CNBD1: variants seen among roughly 807,000 people sequenced by gnomAD.
CNBD1 encodes the protein cyclic nucleotide-binding domain-containing protein 1.
In CNBD1, 71 loss-of-function variants were observed where a neutral mutation model predicts 54.4. That is an observed-to-expected ratio of 1.30 (90% CI 1.08 to 1.59). The LOEUF (loss-of-function observed/expected upper bound fraction) is 1.59. CNBD1 is among the 40% of genes most tolerant of loss of function. CNBD1 has a pLI of 0.00. For synonymous variants in CNBD1, 182 were observed against 170.7 expected (o/e 1.07, Z -0.51); for missense variants, 659 against 518.0 (o/e 1.27, Z -2.64).
At position 87,254,862 on chromosome 8, in the gene CNBD1, G is replaced by A. The variant is rs145866516; in HGVS notation, c.771+17750G>A. On this transcript the variant is annotated intron_variant, in intron 6 of 10. Transcript: ENST00000518476. ...TGAGGCTACTGTAATAGAAAATGGG[G>A]CAAGAAGAATGTCATTGAAATATTT... 9.7e-4 allele frequency among the ~76,000 whole-genome samples: 148 copies of A among 152,210 alleles called. 2 individuals carry two copies. The East Asian group carries it at 0.028, about 29-fold the overall frequency.
intron 4 of CNBD1, among the ~76,000 whole-genome samples, chr8:87,003,132 C>A (rs568016021): frequency 6.6e-6 from 1 of 152,120 alleles, no homozygotes; most frequent in Non-Finnish European, 1.5e-5. Flanking sequence ...AATACTTTTA[C>A]AGCAGAGATC....
At chr8:87,340,091 G>A (rs534551117) in intron 8 of CNBD1, among the ~76,000 whole-genome samples, 7 of 152,180 alleles carry the variant, frequency 4.6e-5, no homozygotes, top group Admixed American at 2.0e-4. Flanking sequence ...TAATAACCTC[G>A]CTTAGCTTTG....
intron 4 of CNBD1, among the ~76,000 whole-genome samples, chr8:87,199,987 T>C (rs1813820331): frequency 6.6e-6 from 1 of 152,128 alleles, no homozygotes; most frequent in Non-Finnish European, 1.5e-5. Context: ...ACCTCCAAAT[T>C]CATCAAGTTG....
At chr8:87,135,416 C>A (rs1812207672) in intron 4 of CNBD1, among the ~76,000 whole-genome samples, 1 of 151,404 alleles carries the variant, frequency 6.6e-6, no homozygotes, top group Admixed American at 6.6e-5. Context: ...TAACAAATTT[C>A]ATGTAGATAT....
intron 6 of CNBD1, among the ~76,000 whole-genome samples, chr8:87,257,124 C>T (rs894370738): frequency 3.3e-5 from 5 of 151,930 alleles, no homozygotes; most frequent in Non-Finnish European, 7.4e-5. Flanking sequence ...AATCCCAGCG[C>T]TTTGGGAGAC....
At chr8:87,295,147 G>T (rs1808856577) in intron 8 of CNBD1, among the ~76,000 whole-genome samples, 1 of 151,814 alleles carries the variant, frequency 6.6e-6, no homozygotes, top group African/African-American at 2.4e-5. Flanking sequence ...ATTATTACCA[G>T]AGAAGCTTTA....
chr8:87,021,144 C>T (rs2130576669), intron 4 of CNBD1, among the ~76,000 whole-genome samples: 1 of 152,290 alleles, frequency 6.6e-6, no homozygotes, highest in Admixed American at 6.5e-5. Flanking sequence ...AAGCTGTAAC[C>T]CAATCACCTT....
At chr8:87,114,552 T>A (rs1472185329) in intron 4 of CNBD1, among the ~76,000 whole-genome samples, 1 of 149,604 alleles carries the variant, frequency 6.7e-6, no homozygotes, top group East Asian at 1.9e-4. Context: ...GGTTTCACCA[T>A]GTTGGCCTGG....
At chr8:87,262,551 T>C (rs962606590) in intron 6 of CNBD1, among the ~76,000 whole-genome samples, 8 of 152,190 alleles carry the variant, frequency 5.3e-5, no homozygotes, top group African/African-American at 1.9e-4. Flanking sequence ...AGAGAAAAGG[T>C]AAATTTGCTC....
At chr8:87,324,461 A>C (rs907314426) in intron 8 of CNBD1, among the ~76,000 whole-genome samples, 1 of 147,018 alleles carries the variant, frequency 6.8e-6, no homozygotes, top group African/African-American at 2.5e-5. Context: ...TAAACTATTG[A>C]TTATTGCCCC....
intron 8 of CNBD1, among the ~76,000 whole-genome samples, chr8:87,329,111 G>T (rs938948370): frequency 6.6e-6 from 1 of 151,880 alleles, no homozygotes; most frequent in South Asian, 2.1e-4. Context: ...AAAGTATATG[G>T]TCTTTGTCTA....
chr8:87,378,119 T>G (rs1363695205), intron 10 of CNBD1, among the ~76,000 whole-genome samples: 2 of 144,092 alleles, frequency 1.4e-5, no homozygotes, highest in Non-Finnish European at 3.0e-5. Context: ...TTCACTCTGA[T>G]GGTAGTTTCT....
At chr8:87,268,202 G>C (rs1292875287) in intron 6 of CNBD1, among the ~76,000 whole-genome samples, 1 of 152,084 alleles carries the variant, frequency 6.6e-6, no homozygotes, top group Admixed American at 6.6e-5. Context: ...AGAACATAAA[G>C]TATTTGGTTT....
intron 10 of CNBD1, among the ~76,000 whole-genome samples, chr8:87,379,500 AT>A (rs1811029094): frequency 6.6e-6 from 1 of 151,994 alleles, no homozygotes; most frequent in South Asian, 2.1e-4. Flanking sequence ...TCCCCAGCAA[AT>A]GTAAAAGAAC....
At chr8:87,129,679 G>C (rs1197719310) in intron 4 of CNBD1, among the ~76,000 whole-genome samples, 2 of 151,978 alleles carry the variant, frequency 1.3e-5, no homozygotes, top group Admixed American at 6.6e-5. Context: ...AGCATTTAAA[G>C]ATATCTATTT....
chr8:87,187,229 A>G (rs1485371491), intron 4 of CNBD1, among the ~76,000 whole-genome samples: 1 of 151,962 alleles, frequency 6.6e-6, no homozygotes, highest in Non-Finnish European at 1.5e-5. Flanking sequence ...ATATTAAAAC[A>G]TAGCTATATA....
At chr8:86,978,346 C>T (rs573048309) in intron 4 of CNBD1, among the ~76,000 whole-genome samples, 1 of 152,030 alleles carries the variant, frequency 6.6e-6, no homozygotes, top group Non-Finnish European at 1.5e-5. Context: ...AAGGAACACT[C>T]TTTAATCTTA....
chr8:87,057,653 A>T (rs1053152860), intron 4 of CNBD1, among the ~76,000 whole-genome samples: 1 of 152,180 alleles, frequency 6.6e-6, no homozygotes, highest in Non-Finnish European at 1.5e-5. Flanking sequence ...GTTTGAGACC[A>T]GCATGGCCAA....
intron 4 of CNBD1, among the ~76,000 whole-genome samples, chr8:87,047,963 G>A (rs773767119): frequency 6.6e-6 from 1 of 152,170 alleles, no homozygotes; most frequent in Non-Finnish European, 1.5e-5. Flanking sequence ...TCAGTGTAAG[G>A]TGCCTGACTT....
Sources: allele counts gnomAD v4.1 joint callset (sites outside exome capture counted in the v4.1 genomes callset), GRCh38; gene constraint gnomAD v4.1.1; transcripts MANE v1.5; gene names NCBI Gene and HGNC (gene_info 2026-07-23, HGNC 2026-07-21).